BMP6: variants seen among roughly 807,000 people sequenced by gnomAD.
The protein encoded by BMP6 is bone morphogenetic protein 6.
A neutral mutation model predicts 54.1 loss-of-function variants in BMP6; 17 were observed. That is an observed-to-expected ratio of 0.31 (90% confidence interval 0.22 to 0.47). The LOEUF (loss-of-function observed/expected upper bound fraction) is 0.47. BMP6 is among the 20% of genes least tolerant of loss of function. BMP6 has a pLI of 1.00. For missense variants in BMP6, 720 were observed against 690.4 expected, an observed-to-expected ratio of 1.04 and a Z score of -0.48; for synonymous variants, 328 against 291.2, an observed-to-expected ratio of 1.13 and a Z score of -1.28.
At chr6:7,817,199 A>G (rs572712052) in intron 1 of BMP6, among the ~76,000 whole-genome samples, 1 of 152,264 alleles carries the variant, frequency 6.6e-6, no homozygotes, top group South Asian at 2.1e-4. Flanking sequence ...GTGAGAAAAA[A>G]TAGGCATATG....
chr6:7,781,422 G>A (rs1757944392), intron 1 of BMP6, among the ~76,000 whole-genome samples: 1 of 151,658 alleles, frequency 6.6e-6, no homozygotes, highest in Non-Finnish European at 1.5e-5. Flanking sequence ...TTTTTGCTGT[G>A]TTTGTACAGA....
intron 1 of BMP6, among the ~76,000 whole-genome samples, chr6:7,839,994 C>A (rs1344660737): frequency 1.3e-5 from 2 of 152,204 alleles, no homozygotes; most frequent in Admixed American, 1.3e-4. Context: ...TTTAATACAT[C>A]TCTATGAAGT....
rs552834850 is a variant in BMP6, at chr6:7,848,486, A to G, written c.857+3154A>G. Among the ~76,000 whole-genome samples the G allele has an allele frequency of 7.9e-5, 12 of 152,208 alleles. No individual in the cohort carries two copies. In the East Asian group the frequency reaches 2.3e-3, roughly 29 times the overall value. On this transcript the variant is annotated intron_variant, in intron 2 of 6. Coordinates refer to ENST00000283147, the MANE Select transcript of BMP6 (RefSeq NM_001718.6). ...CAGTTTTAGACACCCCTGTGATTTC[A>G]TCCTCGGTCAGTCAGTGATTTCAGT... is the stretch of plus-strand genomic sequence containing the variant.
chr6:7,877,588 A>G (rs553723553), intron 4 of BMP6, among the ~76,000 whole-genome samples: 1 of 152,076 alleles, frequency 6.6e-6, no homozygotes, highest in Non-Finnish European at 1.5e-5. Context: ...GTGCCATTGC[A>G]CTTCAGTCTG....
intron 4 of BMP6, among the ~76,000 whole-genome samples, chr6:7,864,596 TTTC>T (rs1358797211): frequency 6.6e-6 from 1 of 152,228 alleles, no homozygotes; most frequent in East Asian, 1.9e-4. Context: ...AAAGTACCTA[TTTC>T]TTCTTTGGGA....
chr6:7,813,108 A>AAAATATATATATATATAT (rs1554122651), intron 1 of BMP6, among the ~76,000 whole-genome samples: 1 of 21,484 alleles, frequency 4.7e-5, no homozygotes, highest in Non-Finnish European at 7.6e-5. Context: ...AAAAAAAAAA[A>AAAATATATATATATATAT]ATATATATAT....
chr6:7,880,433 G>T lies in BMP6; in HGVS notation c.*90G>T. The T allele has an allele frequency of 6.5e-7, 1 of 1,531,466 alleles. No individual in the cohort carries two copies. The highest frequency in any genetic ancestry group is 8.9e-7 in the Non-Finnish European group (1 of 1,119,464). The allele number at this position is 1,531,466 out of a possible 1,614,324, so 94.9% of individuals were successfully genotyped here. The stretch of plus-strand genomic sequence containing the variant: ...AAACACGGAAGCACAGTTGGAGGTG[G>T]GACGATGAGACTTTGAAACTATCTC... On this transcript the variant is annotated 3_prime_UTR_variant, in exon 7 of 7. Coordinates refer to ENST00000283147, the MANE Select transcript of BMP6 (RefSeq NM_001718.6).
chr6:7,742,507 T>C (rs898895139), intron 1 of BMP6, among the ~76,000 whole-genome samples: 3 of 152,226 alleles, frequency 2.0e-5, no homozygotes, highest in African/African-American at 7.2e-5. Context: ...ATAATGTCTA[T>C]TGAAGCAAAG....
At chr6:7,819,299 C>CT (rs1758573386) in intron 1 of BMP6, among the ~76,000 whole-genome samples, 2 of 152,132 alleles carry the variant, frequency 1.3e-5, no homozygotes, top group African/African-American at 4.8e-5. Flanking sequence ...AAATTCAAAC[C>CT]TGAGTATACT....
At chr6:7,770,408 C>T (rs748715283) in intron 1 of BMP6, among the ~76,000 whole-genome samples, 7 of 152,154 alleles carry the variant, frequency 4.6e-5, no homozygotes, top group Non-Finnish European at 7.3e-5. Context: ...ACAATTGGTT[C>T]TGTCTCTGGG....
chr6:7,875,504 C>T (rs1228659187), intron 4 of BMP6, among the ~76,000 whole-genome samples: 1 of 151,994 alleles, frequency 6.6e-6, no homozygotes, highest in African/African-American at 2.4e-5. Flanking sequence ...ATAGCAAGTC[C>T]CCATCTCTGC....
At chr6:7,766,724 AC>A in intron 1 of BMP6, among the ~76,000 whole-genome samples, 1 of 152,270 alleles carries the variant, frequency 6.6e-6, no homozygotes, top group Non-Finnish European at 1.5e-5. Flanking sequence ...AGAATAGCCT[AC>A]ATCATTAAAT....
At chr6:7,808,548 T>G (rs938695732) in intron 1 of BMP6, among the ~76,000 whole-genome samples, 2 of 152,166 alleles carry the variant, frequency 1.3e-5, no homozygotes, top group Admixed American at 1.3e-4. Context: ...TAAAGAAGAT[T>G]TGGATGTTCC....
chr6:7,876,295 G>T (rs1759613973), intron 4 of BMP6, among the ~76,000 whole-genome samples: 1 of 152,094 alleles, frequency 6.6e-6, no homozygotes, highest in Non-Finnish European at 1.5e-5. Context: ...AAGAATTTAT[G>T]TGTTTGATAT....
intron 1 of BMP6, among the ~76,000 whole-genome samples, chr6:7,805,382 C>A (rs1032065713): frequency 6.6e-6 from 1 of 152,080 alleles, no homozygotes; most frequent in African/African-American, 2.4e-5. Context: ...AACACACACA[C>A]GATTATTATC....
intron 1 of BMP6, among the ~76,000 whole-genome samples, chr6:7,764,247 C>G (rs2113145757): frequency 6.6e-6 from 1 of 152,290 alleles, no homozygotes; most frequent in East Asian, 1.9e-4. Context: ...ATCTGCTTTC[C>G]TCAAATTAAA....
At chr6:7,874,906 C>G (rs1158727195) in intron 4 of BMP6, among the ~76,000 whole-genome samples, 2 of 148,234 alleles carry the variant, frequency 1.3e-5, no homozygotes, top group African/African-American at 2.5e-5. Flanking sequence ...TCCAGAGAGA[C>G]AGAATCAATA....
chr6:7,763,586 A>G (rs1290744343), intron 1 of BMP6, among the ~76,000 whole-genome samples: 1 of 152,110 alleles, frequency 6.6e-6, no homozygotes, highest in African/African-American at 2.4e-5. Context: ...GCCAGATATG[A>G]AAGTGTGGTT....
chr6:7,843,640 G>A (rs1167273826), intron 1 of BMP6, among the ~76,000 whole-genome samples: 2 of 152,084 alleles, frequency 1.3e-5, no homozygotes, highest in Non-Finnish European at 2.9e-5. Context: ...AAGGAAAAAC[G>A]AACAGGAACA....
Sources: allele counts gnomAD v4.1 joint callset (sites outside exome capture counted in the v4.1 genomes callset), GRCh38; gene constraint gnomAD v4.1.1; transcripts MANE v1.5; gene names NCBI Gene and HGNC (gene_info 2026-07-23, HGNC 2026-07-21).